Variants in SPIDR observed in about 807,000 individuals in gnomAD.
The protein encoded by SPIDR is scaffold protein involved in DNA repair.
A neutral mutation model predicts 104.6 loss-of-function variants in SPIDR; 93 were observed. That is an observed-to-expected ratio of 0.89 (90% CI 0.75 to 1.06). The LOEUF (loss-of-function observed/expected upper bound fraction) is 1.06. SPIDR is among the 50% of genes least tolerant of loss of function. The pLI, the probability that SPIDR is intolerant of heterozygous loss-of-function variation, is 0.00. For synonymous variants in SPIDR, 431 were observed against 416.9 expected, an observed-to-expected ratio of 1.03 and a Z score of -0.41; for missense variants, 1,154 against 1,111.2, an observed-to-expected ratio of 1.04 and a Z score of -0.55.
At chr8:47,361,871 T>C (rs995431351) in intron 5 of SPIDR, among the ~76,000 whole-genome samples, 9 of 152,184 alleles carry the variant, frequency 5.9e-5, no homozygotes, top group African/African-American at 2.2e-4. Context: ...CCCTTCATGA[T>C]GAAAGTTAGG....
intron 11 of SPIDR, among the ~76,000 whole-genome samples, chr8:47,678,329 G>A (rs1181713783): frequency 1.3e-5 from 2 of 152,212 alleles, no homozygotes; most frequent in Non-Finnish European, 2.9e-5. Context: ...GTCTACTCCT[G>A]TACCTGCAAT....
At chr8:47,410,304 C>T (rs992368620) in intron 7 of SPIDR, among the ~76,000 whole-genome samples, 2 of 151,924 alleles carry the variant, frequency 1.3e-5, no homozygotes, top group African/African-American at 4.8e-5. Context: ...CCTCAACCCC[C>T]GGAGTAGCTG....
intron 5 of SPIDR, among the ~76,000 whole-genome samples, chr8:47,300,276 A>C (rs1554576330): frequency 8.2e-4 from 125 of 152,038 alleles, no homozygotes; most frequent in African/African-American, 2.9e-3. Flanking sequence ...TAGTTTGTAT[A>C]TCTGTGGGAT....
At chr8:47,327,587 G>C (rs1423411145) in intron 5 of SPIDR, among the ~76,000 whole-genome samples, 1 of 151,922 alleles carries the variant, frequency 6.6e-6, no homozygotes, top group Non-Finnish European at 1.5e-5. Context: ...CCTCGAGGCA[G>C]AGTCCTGTTC....
At chr8:47,372,144 G>A (rs2058112660) in intron 5 of SPIDR, among the ~76,000 whole-genome samples, 1 of 152,094 alleles carries the variant, frequency 6.6e-6, no homozygotes, top group Non-Finnish European at 1.5e-5. Context: ...CAGCACCTGT[G>A]ACTCTGATGT....
intron 8 of SPIDR, among the ~76,000 whole-genome samples, chr8:47,549,000 A>G (rs1181251285): frequency 2.0e-5 from 3 of 152,100 alleles, no homozygotes; most frequent in Non-Finnish European, 2.9e-5. Flanking sequence ...CTTCCCACCT[A>G]TAAGTGAGAA....
intron 5 of SPIDR, among the ~76,000 whole-genome samples, chr8:47,369,698 C>T (rs1184736864): frequency 1.3e-5 from 2 of 152,170 alleles, no homozygotes; most frequent in African/African-American, 2.4e-5. Context: ...AGTTGGTGTT[C>T]TGAATGGCAG....
intron 5 of SPIDR, among the ~76,000 whole-genome samples, chr8:47,332,204 G>A (rs1587133473): frequency 2.5e-5 from 1 of 40,380 alleles, no homozygotes; most frequent in African/African-American, 9.2e-5. Context: ...CTGTGTCCAT[G>A]TGATCTCATT....
intron 8 of SPIDR, among the ~76,000 whole-genome samples, chr8:47,571,961 A>G (rs1293890679): frequency 3.9e-5 from 6 of 152,162 alleles, no homozygotes; most frequent in African/African-American, 1.2e-4. Context: ...ATATAATAAC[A>G]TTATATTATG....
intron 8 of SPIDR, among the ~76,000 whole-genome samples, chr8:47,463,210 A>T (rs377193534): frequency 6.6e-6 from 1 of 151,954 alleles, no homozygotes; most frequent in Non-Finnish European, 1.5e-5. Flanking sequence ...ATACAAAAAA[A>T]ATTAGCTGGG....
At chr8:47,641,795 A>C (rs1211735372) in intron 10 of SPIDR, among the ~76,000 whole-genome samples, 2 of 152,288 alleles carry the variant, frequency 1.3e-5, no homozygotes, top group South Asian at 4.1e-4. Flanking sequence ...TACCCAGCCC[A>C]CCATGTGTAA....
intron 8 of SPIDR, chr8:47,511,498 CT>C: frequency 1.3e-6 from 1 of 779,390 alleles, no homozygotes. Flanking sequence ...TGGCACCTCC[CT>C]TCTGTGGATA....
chr8:47,386,380 G>T (rs184159531), intron 5 of SPIDR, among the ~76,000 whole-genome samples: 3 of 152,062 alleles, frequency 2.0e-5, no homozygotes, highest in Non-Finnish European at 4.4e-5. Context: ...TCTACTTGAC[G>T]TAAGTATTCA....
intron 5 of SPIDR, among the ~76,000 whole-genome samples, chr8:47,363,754 T>C (rs1446574792): frequency 1.3e-5 from 2 of 152,030 alleles, no homozygotes; most frequent in South Asian, 2.1e-4. Context: ...ACAGTTCAGT[T>C]TGGGGACCCC....
chr8:47,462,936 C>G (rs1385946358), intron 8 of SPIDR, among the ~76,000 whole-genome samples: 3 of 152,136 alleles, frequency 2.0e-5, no homozygotes, highest in Non-Finnish European at 4.4e-5. Context: ...AACAACTGAA[C>G]ACCAACAAAT....
At chr8:47,604,502 CAG>C (rs1170095176) in intron 10 of SPIDR, among the ~76,000 whole-genome samples, 1 of 152,192 alleles carries the variant, frequency 6.6e-6, no homozygotes, top group African/African-American at 2.4e-5. Context: ...CTAGTGAAAG[CAG>C]AGAGACGCAG....
chr8:47,278,439 C>A (rs925929841), intron 1 of SPIDR, among the ~76,000 whole-genome samples: 141 of 152,106 alleles, frequency 9.3e-4, no homozygotes, highest in Admixed American at 2.4e-3. Flanking sequence ...CCTACCACAG[C>A]CTCCCAAGTT....
Position 47,342,670 on chromosome 8 carries a change from G to A in SPIDR, c.525+48640G>A, listed in dbSNP as rs1005273659. ...CTTATTTTTTATATTTATAAAGGTA[G>A]CTTTTAGCACACATTGTACACTCCT... On this transcript the variant is annotated intron_variant, in intron 5 of 19. Transcript: ENST00000297423. Among the ~76,000 whole-genome samples the A allele has an allele frequency of 5.9e-5, 9 of 152,010 alleles. 1 individual carries two copies. The highest frequency in any genetic ancestry group is 1.2e-4 in the Non-Finnish European group (8 of 68,004).
intron 8 of SPIDR, among the ~76,000 whole-genome samples, chr8:47,462,267 C>T (rs1296627038): frequency 1.2e-4 from 18 of 152,150 alleles, no homozygotes; most frequent in Admixed American, 6.5e-5. Context: ...TAATGTGAAC[C>T]GTCTTGAGGT....
Sources: gnomAD v4.1 joint callset for allele counts (sites outside exome capture counted in the v4.1 genomes callset) on GRCh38, gnomAD v4.1.1 for gene constraint, MANE v1.5 for transcripts, NCBI Gene and HGNC (gene_info 2026-07-23, HGNC 2026-07-21) for gene names.